TOLLIP: variants seen among roughly 807,000 people sequenced by gnomAD.
TOLLIP encodes toll-interacting protein.
A neutral mutation model predicts 33.5 loss-of-function variants in TOLLIP; 16 were observed. That is an observed-to-expected ratio of 0.48 (90% CI 0.32 to 0.72). The LOEUF is 0.72. TOLLIP is among the 30% of genes least tolerant of loss of function. TOLLIP has a pLI of 0.03. For missense variants in TOLLIP, 325 were observed against 396.6 expected, an observed-to-expected ratio of 0.82 and a Z score of 1.53; for synonymous variants, 176 against 163.7, an observed-to-expected ratio of 1.07 and a Z score of -0.57.
intron 2 of TOLLIP, among the ~76,000 whole-genome samples, chr11:1,293,942 G>A (rs1487922014): frequency 3.3e-5 from 5 of 152,270 alleles, no homozygotes; most frequent in Non-Finnish European, 5.9e-5. Context: ...GACACGCCGC[G>A]AGGAAGGGGT....
At chr11:1,279,742 G>A (rs1863434616) in intron 5 of TOLLIP, among the ~76,000 whole-genome samples, 1 of 152,196 alleles carries the variant, frequency 6.6e-6, no homozygotes, top group African/African-American at 2.4e-5. Flanking sequence ...CAAACACAAG[G>A]ATACCCAGGA....
intron 5 of TOLLIP, among the ~76,000 whole-genome samples, chr11:1,279,866 T>C (rs902089385): frequency 6.6e-6 from 1 of 152,132 alleles, no homozygotes; most frequent in African/African-American, 2.4e-5. Context: ...GCATCAGCCC[T>C]GCTCAGGCTG....
At chr11:1,287,133 G>A (rs1022685261) in intron 4 of TOLLIP, among the ~76,000 whole-genome samples, 2 of 151,576 alleles carry the variant, frequency 1.3e-5, no homozygotes, top group African/African-American at 2.4e-5. Context: ...TCACTGCACC[G>A]CTGTCTTCTG....
In TOLLIP at chr11:1,290,344, G is replaced by A. The variant is rs145251117; in HGVS notation, c.249C>T (p.Tyr83=). 125 of 1,613,604 alleles carry A rather than the reference G, an allele frequency of 7.7e-5. No homozygotes were observed. Among genetic ancestry groups the A allele is most frequent in the Non-Finnish European group, 9.0e-5 (106 of 1,179,978 alleles). ...MDPYCRLRLG[Y]AVYETPTAHN... The stretch of plus-strand genomic sequence containing the variant: ...GTGCCGTGGGCGTCTCGTACACCGC[G>A]TAGCCCAGGCGCAGTCGGCAGTAGG... The change falls in exon 3 of 6, where the codon TAC becomes TAT. Residue 83 remains tyrosine, a synonymous_variant. Transcript: ENST00000317204. The surrounding 1 kb of genome is among the most constrained non-coding windows in gnomAD (Gnocchi z 4.9).
At position 1,290,354 on chromosome 11, in the gene TOLLIP, C is replaced by T. The variant is rs1172883214; in HGVS notation, c.239G>A (p.Arg80His). The change falls in exon 3 of 6, where the codon CGC (arginine) becomes CAC (histidine). Residue 80 changes from arginine (R) to histidine (H), a missense_variant. Transcript: ENST00000317204. The surrounding 1 kb of genome is among the most constrained non-coding windows in gnomAD (Gnocchi z 4.9). ...MTRMDPYCRL[R>H]LGYAVYETPT... is the part of the protein sequence containing the mutation. ...CGTCTCGTACACCGCGTAGCCCAGG[C>T]GCAGTCGGCAGTAGGGGTCCATGCG... is the stretch of plus-strand genomic sequence containing the variant. 6.8e-6 allele frequency: 11 copies of T among 1,613,366 alleles called. No individual in the cohort carries two copies. The highest frequency in any genetic ancestry group is 2.7e-5 in the African/African-American group (2 of 74,894).
At chr11:1,285,332 G>C (rs560376118) in intron 5 of TOLLIP, among the ~76,000 whole-genome samples, 15 of 152,362 alleles carry the variant, frequency 9.8e-5, no homozygotes, top group African/African-American at 3.6e-4. Flanking sequence ...CTCCCCCCTA[G>C]CACCTCCTCT....
chr11:1,284,503 C>G lies in TOLLIP; in HGVS notation c.610+1499G>C, dbSNP rs368636975. Among the ~76,000 whole-genome samples the G allele has an allele frequency of 2.4e-4, 37 of 152,256 alleles. 2 individuals carry two copies. In the South Asian group the frequency reaches 7.5e-3, roughly 31 times the overall value. ...AGCTGGGACTACAGGCGCCCACCAC[C>G]GCGCCCGGCTAATTTGTTTGTATTT... On this transcript the variant is annotated intron_variant, in intron 5 of 5. Coordinates refer to ENST00000317204, the MANE Select transcript of TOLLIP (RefSeq NM_019009.4).
rs759330126 is a variant in TOLLIP at position 1,290,939 on chromosome 11, C to T, written c.184-530G>A. 10 of 154,316 alleles carry T rather than the reference C, an allele frequency of 6.5e-5. No homozygotes were observed. In the South Asian group the frequency reaches 1.4e-3, roughly 22 times the overall value. The allele number at this position is 154,316 out of a possible 1,614,324, so 9.6% of individuals were successfully genotyped here. On this transcript the variant is annotated intron_variant, in intron 2 of 5. Coordinates refer to ENST00000317204, the MANE Select transcript of TOLLIP (RefSeq NM_019009.4). The surrounding 1 kb of genome is among the most constrained non-coding windows in gnomAD (Gnocchi z 4.9). ...AAGGCAGCAGCCCTGCCTGTGCTATCGGAGTACGTGGGGTTTTGGGGACTG... is the reference window on the plus strand; with the variant it reads ...AAGGCAGCAGCCCTGCCTGTGCTATTGGAGTACGTGGGGTTTTGGGGACTG...
In TOLLIP at chr11:1,277,405, C is replaced by A. The variant is rs1295280635; in HGVS notation, c.611-152G>T. On this transcript the variant is annotated intron_variant, in intron 5 of 5. Coordinates refer to ENST00000317204, the MANE Select transcript of TOLLIP (RefSeq NM_019009.4). This position sits in a 1 kb window ranked among gnomAD's most constrained non-coding sequence, Gnocchi z 4.2. Reference sequence around the variant, plus strand: ...AGCAAACACCAGTCCCGCAAGACACCCTGGAAAGGCAAACCCCCAAACAGC... The same window carrying A: ...AGCAAACACCAGTCCCGCAAGACACACTGGAAAGGCAAACCCCCAAACAGC... 8.5e-6 allele frequency: 5 copies of A among 591,376 alleles called. No individual in the cohort carries two copies. The highest frequency in any genetic ancestry group is 1.9e-5 in the African/African-American group (1 of 52,610). 36.6% of individuals were successfully genotyped at this position (591,376 alleles called of 1,614,324 possible).
chr11:1,290,548 C>T lies in TOLLIP; in HGVS notation c.184-139G>A, dbSNP rs945387561. On this transcript the variant is annotated intron_variant, in intron 2 of 5. Transcript: ENST00000317204. The surrounding 1 kb of genome is among the most constrained non-coding windows in gnomAD (Gnocchi z 4.9). ...CTACAGCCACTCAGAGTCGCCTGAA[C>T]ACGGCTGTGACCTGCTTCCCAGGAG... is the stretch of plus-strand genomic sequence containing the variant. 20 of 744,220 alleles carry T rather than the reference C, an allele frequency of 2.7e-5. No individual in the cohort carries two copies. The Middle Eastern group carries it at 1.4e-3, about 53-fold the overall frequency. The allele number at this position is 744,220 out of a possible 1,614,324, so 46.1% of individuals were successfully genotyped here.
intron 3 of TOLLIP, among the ~76,000 whole-genome samples, 197 bp from the exon 4 acceptor site, chr11:1,288,973 T>G (rs1056713038): frequency 3.0e-4 from 45 of 152,200 alleles, no homozygotes. Context: ...GTAGGGGACT[T>G]CTTCCCTCTC....
intron 1 of TOLLIP, chr11:1,302,454 T>G: frequency 5.9e-6 from 3 of 509,700 alleles, no homozygotes; most frequent in Non-Finnish European, 7.6e-6. Context: ...GCCACTGCCA[T>G]TGCCCTGTAA....
At chr11:1,305,085 C>G (rs565780686) in intron 1 of TOLLIP, among the ~76,000 whole-genome samples, 12 of 152,330 alleles carry the variant, frequency 7.9e-5, no homozygotes, top group African/African-American at 2.4e-4. Flanking sequence ...ATGCCAGTAT[C>G]AGACAAAATA....
chr11:1,295,837 G>A, intron 1 of TOLLIP, 43 bp from the exon 2 acceptor site: 1 of 1,509,534 alleles, frequency 6.6e-7, no homozygotes, highest in East Asian at 2.5e-5. Flanking sequence ...TCAGGGTGGG[G>A]GCACAAAGCA....
intron 1 of TOLLIP, among the ~76,000 whole-genome samples, chr11:1,300,954 G>C (rs1864257558): frequency 6.6e-6 from 1 of 152,270 alleles, no homozygotes; most frequent in African/African-American, 2.4e-5. Flanking sequence ...GTGTCTGTGT[G>C]CCACGCATGC....
chr11:1,295,504 A>T, intron 2 of TOLLIP, 141 bp downstream of exon 2: 1 of 1,128,026 alleles, frequency 8.9e-7, no homozygotes, highest in Non-Finnish European at 1.2e-6. Context: ...CGTTTTCAAC[A>T]TCACACAGGT....
chr11:1,290,177 C>A lies in TOLLIP; in HGVS notation c.366+50G>T, dbSNP rs1236815016. 1 of 1,578,206 alleles carries A rather than the reference C, an allele frequency of 6.3e-7. No individual in the cohort carries two copies. The highest frequency in any genetic ancestry group is 1.1e-5 in the South Asian group (1 of 88,656). On this transcript the variant is annotated intron_variant, in intron 3 of 5. Coordinates refer to ENST00000317204, the MANE Select transcript of TOLLIP (RefSeq NM_019009.4). This position sits in a 1 kb window ranked among gnomAD's most constrained non-coding sequence, Gnocchi z 4.9. ...GTTGGCAGGTGTGTCCCCACGGCAG[C>A]CACGCTCAGCCACGTGCAGCCTCCA...
rs184441602 is a variant in TOLLIP at position 1,291,580 on chromosome 11, G to A, written c.184-1171C>T. ...CTCACTGACGCCCCTCTGAGGGCAC[G>A]GCCACCCTGTCCTCACTGAACCCTC... On this transcript the variant is annotated intron_variant, in intron 2 of 5. Transcript: ENST00000317204. 4.8e-3 allele frequency among the ~76,000 whole-genome samples: 667 copies of A among 138,774 alleles called. 2 individuals are homozygous for A. The highest frequency in any genetic ancestry group is 0.014 in the African/African-American group (528 of 36,740). 91.0% of individuals were successfully genotyped at this position (138,774 alleles called of 152,430 possible).
At chr11:1,304,545 C>T (rs757384582) in intron 1 of TOLLIP, among the ~76,000 whole-genome samples, 3 of 152,252 alleles carry the variant, frequency 2.0e-5, no homozygotes, top group South Asian at 2.1e-4. Context: ...CGCGCCAGGA[C>T]GGGGCGGCCG....
Sources: gnomAD v4.1 joint callset for allele counts (sites outside exome capture counted in the v4.1 genomes callset) on GRCh38, gnomAD v4.1.1 for gene constraint, Gnocchi (gnomAD v3.1) non-coding constraint, MANE v1.5 for transcripts, NCBI Gene and HGNC (gene_info 2026-07-23, HGNC 2026-07-21) for gene names.